The following GYPB variants were observed in gnomAD, a reference collection of about 807,000 sequenced individuals.
GYPB encodes the protein glycophorin B (MNS blood group).
GYPB carries 13 observed loss-of-function variants against 15.3 expected under a neutral mutation model. The ratio of observed to expected loss-of-function variants is 0.85; its 90% CI spans 0.55 to 1.35. GYPB has a LOEUF of 1.35. Ranked by LOEUF, GYPB falls within the 40% of genes most tolerant of loss-of-function variation. The pLI is 0.00. For synonymous variants in GYPB, 38 were observed against 36.9 expected, an observed-to-expected ratio of 1.03 and a Z score of -0.11; for missense variants, 131 against 108.3, an observed-to-expected ratio of 1.21 and a Z score of -0.93.
chr4:143,996,327 T>C (rs1579042511), intron 4 of GYPB, 23 bp from the exon 5 acceptor site: 1 of 1,550,442 alleles, frequency 6.4e-7, no homozygotes, highest in East Asian at 2.4e-5. Flanking sequence ...GACAAGAAGT[T>C]TCCACTTCAG....
At chr4:144,013,782 GAGGGGGA>G (rs1728346183) in intron 1 of GYPB, among the ~76,000 whole-genome samples, 1 of 147,402 alleles carries the variant, frequency 6.8e-6, no homozygotes, top group Non-Finnish European at 1.5e-5. Context: ...GGTTGGGGGG[GAGGGGGA>G]AGGGATAGCA....
intron 1 of GYPB, among the ~76,000 whole-genome samples, chr4:144,001,652 A>G (rs1451042596): frequency 1.3e-5 from 2 of 151,262 alleles, no homozygotes; most frequent in Non-Finnish European, 2.9e-5. Context: ...ATGTGTTAGT[A>G]TAGTACTTGA....
chr4:144,016,108 GA>G (rs1728483208), intron 1 of GYPB, among the ~76,000 whole-genome samples: 1 of 100,630 alleles, frequency 9.9e-6, no homozygotes, highest in South Asian at 3.5e-4. Context: ...CAATTAAATA[GA>G]CAGCTAGCAA....
At chr4:144,012,272 A>T (rs556415788) in intron 1 of GYPB, among the ~76,000 whole-genome samples, 1 of 151,580 alleles carries the variant, frequency 6.6e-6, no homozygotes, top group African/African-American at 2.4e-5. Context: ...GCAACATAAC[A>T]TATTCTCCAA....
At chr4:144,016,071 T>C (rs1728480650) in intron 1 of GYPB, among the ~76,000 whole-genome samples, 1 of 138,144 alleles carries the variant, frequency 7.2e-6, no homozygotes, top group African/African-American at 2.8e-5. Flanking sequence ...TTCCCTGGCA[T>C]ACAGTTCCTG....
chr4:144,017,825 C>T (rs1018779228), intron 1 of GYPB, among the ~76,000 whole-genome samples: 6 of 151,368 alleles, frequency 4.0e-5, no homozygotes, highest in Admixed American at 1.3e-4. Flanking sequence ...TATATGAATA[C>T]ATATACAAAT....
Position 144,019,295 on chromosome 4 carries a change from T to A in GYPB, c.-8A>T, listed in dbSNP as rs772536215. ...GATTATTTTTCCATACATCCTGAGA[T>A]CATGAGCTGGTTCCTGAAGTTAGTG... is the stretch of plus-strand genomic sequence containing the variant. On this transcript the variant is annotated 5_prime_UTR_variant, in exon 1 of 5. Coordinates refer to ENST00000502664, the MANE Select transcript of GYPB (RefSeq NM_002100.6). 1.9e-6 allele frequency: 3 copies of A among 1,611,836 alleles called. No homozygotes were observed. The highest frequency in any genetic ancestry group is 1.1e-5 in the South Asian group (1 of 90,988).
intron 1 of GYPB, among the ~76,000 whole-genome samples, chr4:144,013,658 C>T (rs964335236): frequency 4.0e-5 from 6 of 149,544 alleles, no homozygotes; most frequent in African/African-American, 1.5e-4. Flanking sequence ...TCTCAGTAAA[C>T]TATCGCAAGA....
intron 1 of GYPB, among the ~76,000 whole-genome samples, chr4:144,009,794 T>C (rs1166335751): frequency 3.3e-5 from 5 of 150,122 alleles, no homozygotes; most frequent in Non-Finnish European, 5.9e-5. Context: ...TTTGTATTTT[T>C]AGTAGAGATG....
chr4:143,997,715 T>C (rs1727400259), intron 3 of GYPB, 81 bp from the exon 4 acceptor site: 1 of 749,846 alleles, frequency 1.3e-6, no homozygotes, highest in Non-Finnish European at 2.5e-6. Context: ...AACATCAGCA[T>C]AACATCACCT....
chr4:144,001,157 C>T (rs549261408), intron 2 of GYPB, 28 bp downstream of exon 2: 412 of 1,612,382 alleles, frequency 2.6e-4, no homozygotes, highest in Non-Finnish European at 3.5e-4. Flanking sequence ...TTCGGAGCCA[C>T]AATTTAAAAA....
downstream of GYPB, chr4:143,996,035 A>G: frequency 2.3e-6 from 2 of 878,494 alleles, no homozygotes; most frequent in Non-Finnish European, 3.3e-6. Context: ...CTTCTCATCT[A>G]TCCTACTGTA....
At chr4:144,016,109 A>G (rs1560716858) in intron 1 of GYPB, among the ~76,000 whole-genome samples, 1 of 147,244 alleles carries the variant, frequency 6.8e-6, no homozygotes, top group Non-Finnish European at 1.5e-5. Flanking sequence ...AATTAAATAG[A>G]CAGCTAGCAA....
chr4:144,001,918 G>C (rs1434275154), intron 1 of GYPB, among the ~76,000 whole-genome samples: 1 of 126,798 alleles, frequency 7.9e-6, no homozygotes, highest in African/African-American at 3.0e-5. Context: ...GCAGTGAGCC[G>C]AGATCACGCC....
rs1311430571 is a variant in GYPB, at chr4:144,012,830, A to G, written c.37+6421T>C. On this transcript the variant is annotated intron_variant, in intron 1 of 4. Transcript: ENST00000502664. ...CTGATAATAAACCAAAGATCTAAATATAAGAGAAGAAATACAAAACTCTTA... is the reference window on the plus strand; with the variant it reads ...CTGATAATAAACCAAAGATCTAAATGTAAGAGAAGAAATACAAAACTCTTA... 1.3e-4 allele frequency: 19 copies of G among 151,540 alleles called. 1 individual carries two copies. Among genetic ancestry groups the G allele is most frequent in the African/African-American group, 4.2e-4 (17 of 40,810 alleles). 9.4% of individuals were successfully genotyped at this position (151,540 alleles called of 1,614,324 possible).
At chr4:143,998,488 T>G (rs1236982734) in intron 3 of GYPB, among the ~76,000 whole-genome samples, 1 of 149,766 alleles carries the variant, frequency 6.7e-6, no homozygotes, top group Non-Finnish European at 1.5e-5. Context: ...CTTGAATGTA[T>G]GCGATAGTGA....
At chr4:144,001,772 A>T (rs1206826967) in intron 1 of GYPB, among the ~76,000 whole-genome samples, 1 of 151,276 alleles carries the variant, frequency 6.6e-6, no homozygotes, top group South Asian at 2.1e-4. Context: ...GTGGAAGCTC[A>T]TAATAATTAT....
rs1435732389 is a variant in GYPB, at chr4:144,005,362, TAGTC to T, written c.38-4083_38-4080del. ...AGATTTCTCTAATGTTTTAGTATAT[TAGTC>T]AGCAAGCATTGGGGCATATTGTACA... On this transcript the variant is annotated intron_variant, in intron 1 of 4. Coordinates refer to ENST00000502664, the MANE Select transcript of GYPB (RefSeq NM_002100.6). 1.5e-4 allele frequency among the ~76,000 whole-genome samples: 23 copies of T among 151,944 alleles called. 1 individual carries two copies. Among genetic ancestry groups the T allele is most frequent in the African/African-American group, 3.9e-4 (16 of 41,138 alleles).
At chr4:143,995,850 A>G (rs1421829371), downstream of GYPB, among the ~76,000 whole-genome samples, 1 of 151,366 alleles carries the variant, frequency 6.6e-6, no homozygotes, top group Non-Finnish European at 1.5e-5. Context: ...TTTAAATTAC[A>G]GTGCCGTTTC....
Sources: allele counts gnomAD v4.1 joint callset (sites outside exome capture counted in the v4.1 genomes callset), GRCh38; gene constraint gnomAD v4.1.1; transcripts MANE v1.5; gene names NCBI Gene and HGNC (gene_info 2026-07-23, HGNC 2026-07-21).